The following RBFOX1 variants were observed in gnomAD, a reference collection of about 807,000 sequenced individuals.
The protein encoded by RBFOX1 is RNA binding protein fox-1 homolog 1.
In RBFOX1, 8 loss-of-function variants were observed where a neutral mutation model predicts 57.7. The ratio of observed to expected loss-of-function variants is 0.14; its 90% confidence interval spans 0.08 to 0.25. The LOEUF is 0.25. Among genes scored for constraint, RBFOX1 ranks in the 10% least tolerant of loss-of-function variants. The probability of loss-of-function intolerance (pLI) is 1.00; values close to 1 mark genes in which losing one functional copy is unlikely to be tolerated. For missense variants in RBFOX1, 611 were observed against 548.5 expected, an observed-to-expected ratio of 1.11 and a Z score of -1.14; for synonymous variants, 326 against 222.4, an observed-to-expected ratio of 1.47 and a Z score of -4.15.
In RBFOX1 at chr16:7,300,143, A is replaced by G. The variant is rs567947094; in HGVS notation, c.28-218004A>G. Among the ~76,000 whole-genome samples the G allele has an allele frequency of 1.4e-4, 21 of 152,214 alleles. No individual in the cohort carries two copies. The East Asian group carries it at 2.1e-3, about 15-fold the overall frequency. On this transcript the variant is annotated intron_variant, in intron 4 of 15. Transcript: ENST00000550418. ...TTCCCTGATCTTGATCTTGCCTGCT[A>G]TGCTTCCCACAGCACTCACCACCAT...
intron 2 of RBFOX1, among the ~76,000 whole-genome samples, chr16:6,367,278 G>GTTTT (rs2089785907): frequency 6.6e-6 from 1 of 151,742 alleles, no homozygotes; most frequent in Admixed American, 6.6e-5. Flanking sequence ...GTTTTGTTTT[G>GTTTT]TTTTGTTTTT....
intron 4 of RBFOX1, among the ~76,000 whole-genome samples, chr16:7,278,921 T>C (rs1568007079): frequency 6.6e-6 from 1 of 152,144 alleles, no homozygotes; most frequent in African/African-American, 2.4e-5. Flanking sequence ...GTGAAGATAG[T>C]TAAAATTTGA....
intron 1 of RBFOX1, among the ~76,000 whole-genome samples, chr16:6,096,784 C>T (rs1042407595): frequency 6.6e-5 from 10 of 152,198 alleles, no homozygotes; most frequent in African/African-American, 2.2e-4. Context: ...CCTTGATTAT[C>T]TACCCTGTGT....
chr16:5,320,409 G>A (rs9972783), intron 1 of RBFOX1, among the ~76,000 whole-genome samples: 110,921 of 152,124 alleles, frequency 0.73, 43,669 homozygotes, highest in South Asian at 0.88. Flanking sequence ...TGAGTTTAGC[G>A]TTTTGCTGGA....
chr16:6,553,474 G>A (rs2097030373), intron 2 of RBFOX1, among the ~76,000 whole-genome samples: 1 of 152,098 alleles, frequency 6.6e-6, no homozygotes, highest in African/African-American at 2.4e-5. Flanking sequence ...GAAATACTTG[G>A]TGGAAATTGA....
intron 1 of RBFOX1, among the ~76,000 whole-genome samples, chr16:5,416,160 A>G (rs1291172507): frequency 6.6e-6 from 1 of 152,196 alleles, no homozygotes; most frequent in Non-Finnish European, 1.5e-5. Flanking sequence ...TTTGTTTCAC[A>G]TCTCATTTAA....
At chr16:6,171,263 A>G (rs947099310) in intron 1 of RBFOX1, among the ~76,000 whole-genome samples, 3 of 152,206 alleles carry the variant, frequency 2.0e-5, no homozygotes, top group Non-Finnish European at 2.9e-5. Context: ...TTCCATGTCA[A>G]CATATCAATC....
chr16:6,330,811 C>T (rs1368668534), intron 2 of RBFOX1, among the ~76,000 whole-genome samples: 1 of 152,114 alleles, frequency 6.6e-6, no homozygotes, highest in Non-Finnish European at 1.5e-5. Context: ...CAGTGTGTGG[C>T]CATTTAATGT....
chr16:7,178,083 T>C (rs2082018889), intron 4 of RBFOX1, among the ~76,000 whole-genome samples: 1 of 152,220 alleles, frequency 6.6e-6, no homozygotes, highest in African/African-American at 2.4e-5. Flanking sequence ...TGTGTCAGGA[T>C]ATGCTGCTGT....
At chr16:7,455,636 CA>C (rs879671076) in intron 4 of RBFOX1, among the ~76,000 whole-genome samples, 4,296 of 142,726 alleles carry the variant, frequency 0.03, 182 homozygotes, top group African/African-American at 0.1. Flanking sequence ...TACTGAAATA[CA>C]AAAAAAAAAA....
At chr16:5,919,290 AC>A (rs2058769779) in intron 4 of RBFOX1, among the ~76,000 whole-genome samples, 1 of 152,202 alleles carries the variant, frequency 6.6e-6, no homozygotes, top group Non-Finnish European at 1.5e-5. Flanking sequence ...TCATGGTGTC[AC>A]CCTACTAAAA....
At chr16:6,661,413 C>CTT (rs1346860620) in intron 3 of RBFOX1, among the ~76,000 whole-genome samples, 1 of 152,092 alleles carries the variant, frequency 6.6e-6, no homozygotes, top group Non-Finnish European at 1.5e-5. Flanking sequence ...CTGAGATTGG[C>CTT]TAAAGGAGAG....
intron 3 of RBFOX1, among the ~76,000 whole-genome samples, chr16:6,722,515 CT>C (rs1289434668): frequency 9.2e-5 from 4 of 43,506 alleles, no homozygotes; most frequent in African/African-American, 1.9e-4. Context: ...TAGATAAATA[CT>C]TGGCATTTTG....
At chr16:7,587,549 G>C (rs1027509056) in intron 7 of RBFOX1, among the ~76,000 whole-genome samples, 3 of 152,062 alleles carry the variant, frequency 2.0e-5, no homozygotes, top group Admixed American at 2.0e-4. Flanking sequence ...AATTATACAT[G>C]CTTAAAAAAA....
chr16:6,915,788 G>C (rs1254555815), intron 3 of RBFOX1, among the ~76,000 whole-genome samples: 2 of 152,130 alleles, frequency 1.3e-5, no homozygotes, highest in South Asian at 4.1e-4. Flanking sequence ...CTGTACTCAG[G>C]TGATCTGCCT....
intron 1 of RBFOX1, among the ~76,000 whole-genome samples, chr16:6,191,976 A>G (rs976941386): frequency 5.3e-5 from 8 of 152,174 alleles, no homozygotes; most frequent in African/African-American, 1.9e-4. Flanking sequence ...CTTGGGACAA[A>G]GTGGTATGGA....
chr16:7,512,586 A>G (rs561221333), intron 4 of RBFOX1, among the ~76,000 whole-genome samples: 1 of 152,300 alleles, frequency 6.6e-6, no homozygotes, highest in East Asian at 1.9e-4. Flanking sequence ...CTGGAGTCCC[A>G]TGTTCCTGGA....
chr16:7,024,653 C>G (rs1473809449), intron 3 of RBFOX1, among the ~76,000 whole-genome samples: 1 of 152,144 alleles, frequency 6.6e-6, no homozygotes, highest in East Asian at 1.9e-4. Context: ...AGGGAGATCT[C>G]CTGTTCTTTG....
At chr16:6,104,835 G>A (rs150639537) in intron 1 of RBFOX1, among the ~76,000 whole-genome samples, 2 of 152,320 alleles carry the variant, frequency 1.3e-5, no homozygotes, top group Non-Finnish European at 2.9e-5. Context: ...GAAGTGAGCT[G>A]CAAAAGACTA....
Sources: gnomAD v4.1 joint callset for allele counts (sites outside exome capture counted in the v4.1 genomes callset) on GRCh38, gnomAD v4.1.1 for gene constraint, MANE v1.5 for transcripts, NCBI Gene and HGNC (gene_info 2026-07-23, HGNC 2026-07-21) for gene names.